The following GLIS3 variants were observed in gnomAD, a reference collection of about 807,000 sequenced individuals.
GLIS3 encodes the protein zinc finger protein GLIS3.
A neutral mutation model predicts 78.6 loss-of-function variants in GLIS3; 53 were observed. That is an observed-to-expected ratio of 0.67 (90% confidence interval 0.54 to 0.85). The LOEUF (loss-of-function observed/expected upper bound fraction) is 0.85, where lower values mean the gene tolerates loss of function less well. Ranked by LOEUF, GLIS3 falls within the 40% of genes least tolerant of loss-of-function variation. GLIS3 has a pLI of 0.00. For synonymous variants in GLIS3, 684 were observed against 509.9 expected (o/e 1.34, Z -4.60); for missense variants, 1,703 against 1,231.1 (o/e 1.38, Z -5.74).
intron 4 of GLIS3, among the ~76,000 whole-genome samples, chr9:4,055,541 T>C (rs190545939): frequency 3.9e-5 from 6 of 152,152 alleles, no homozygotes; most frequent in African/African-American, 7.2e-5. Context: ...TGTAGAGAAT[T>C]TGTGACATCA....
intron 2 of GLIS3, among the ~76,000 whole-genome samples, chr9:4,224,458 C>T (rs1318488604): frequency 6.6e-6 from 1 of 152,132 alleles, no homozygotes; most frequent in Non-Finnish European, 1.5e-5. Flanking sequence ...TATGAGGACT[C>T]CCTGGGAAAA....
intron 4 of GLIS3, among the ~76,000 whole-genome samples, chr9:4,055,554 C>T (rs1409418747): frequency 1.3e-5 from 2 of 152,180 alleles, no homozygotes; most frequent in Non-Finnish European, 2.9e-5. Context: ...TGACATCAAA[C>T]CTCCTCAGAA....
At chr9:4,161,866 G>T (rs1415405876) in intron 2 of GLIS3, among the ~76,000 whole-genome samples, 1 of 148,608 alleles carries the variant, frequency 6.7e-6, no homozygotes, top group Admixed American at 6.7e-5. Flanking sequence ...TTTTTTTTCA[G>T]TAGAGATGGG....
chr9:4,041,351 C>T (rs1171641244), intron 4 of GLIS3, among the ~76,000 whole-genome samples: 3 of 152,198 alleles, frequency 2.0e-5, no homozygotes, highest in East Asian at 1.9e-4. Flanking sequence ...TCTGCTGAAA[C>T]GAACTATCTT....
chr9:4,018,314 A>G (rs1822602490), intron 4 of GLIS3, among the ~76,000 whole-genome samples: 1 of 152,156 alleles, frequency 6.6e-6, no homozygotes, highest in African/African-American at 2.4e-5. Context: ...CCTTGGTTAC[A>G]CAGGACTGGC....
the GLIS3 span, among the ~76,000 whole-genome samples, chr9:4,357,561 C>CTG: frequency 0.25 from 37,538 of 147,570 alleles, 5,029 homozygotes; most frequent in East Asian, 0.35. Context: ...GAACTAATTC[C>CTG]TGTGTGTGTG....
chr9:4,408,418 T>C, the GLIS3 span, among the ~76,000 whole-genome samples: 11 of 129,652 alleles, frequency 8.5e-5, 1 homozygote, highest in South Asian at 3.0e-3. Context: ...GTGGGGATGG[T>C]TAATGGATAT....
chr9:4,431,728 A>C, the GLIS3 span, among the ~76,000 whole-genome samples: 1 of 151,956 alleles, frequency 6.6e-6, no homozygotes, highest in African/African-American at 2.4e-5. Context: ...CCTGTAATCC[A>C]AGCTACTCAG....
At chr9:3,974,700 G>A (rs910573375) in intron 4 of GLIS3, among the ~76,000 whole-genome samples, 1 of 152,070 alleles carries the variant, frequency 6.6e-6, no homozygotes, top group African/African-American at 2.4e-5. Context: ...CCTAGGAAGT[G>A]TTAAAGACTA....
intron 2 of GLIS3, among the ~76,000 whole-genome samples, chr9:4,244,265 T>C (rs1467251672): frequency 6.6e-6 from 1 of 152,248 alleles, no homozygotes; most frequent in African/African-American, 2.4e-5. Flanking sequence ...CATGGCACAG[T>C]AAATACACTT....
intron 2 of GLIS3, among the ~76,000 whole-genome samples, chr9:4,329,677 C>T (rs937831587): frequency 6.6e-6 from 1 of 152,130 alleles, no homozygotes. Context: ...TAAAATTCAT[C>T]TAGTCTGCCC....
At chr9:4,446,262 T>C in the GLIS3 span, among the ~76,000 whole-genome samples, 8 of 152,178 alleles carry the variant, frequency 5.3e-5, no homozygotes, top group East Asian at 1.5e-3. Context: ...TTATTTCCCT[T>C]ATCAAAGAGG....
intron 2 of GLIS3, among the ~76,000 whole-genome samples, chr9:4,264,405 G>A (rs781560029): frequency 6.6e-6 from 1 of 152,100 alleles, no homozygotes; most frequent in Non-Finnish European, 1.5e-5. Context: ...TTCCCATCCG[G>A]ACTATTCTCA....
chr9:4,265,537 T>C (rs930496059), intron 2 of GLIS3, among the ~76,000 whole-genome samples: 9 of 152,164 alleles, frequency 5.9e-5, no homozygotes, highest in Admixed American at 5.2e-4. Flanking sequence ...TTCCAGAAAG[T>C]GGGATGATCA....
intron 2 of GLIS3, among the ~76,000 whole-genome samples, chr9:4,266,697 AC>A (rs1345944925): frequency 2.6e-5 from 4 of 152,198 alleles, no homozygotes; most frequent in Admixed American, 2.0e-4. Flanking sequence ...TGATAATGAT[AC>A]ATAGTTATTT....
intron 9 of GLIS3, among the ~76,000 whole-genome samples, chr9:3,848,757 A>T (rs1378935338): frequency 1.3e-5 from 2 of 152,244 alleles, no homozygotes; most frequent in Non-Finnish European, 1.5e-5. Flanking sequence ...TGGTGGGACA[A>T]GCCATTTACA....
chr9:4,281,868 T>G (rs568393056), intron 2 of GLIS3, among the ~76,000 whole-genome samples: 64 of 152,296 alleles, frequency 4.2e-4, no homozygotes, highest in African/African-American at 1.5e-3. Flanking sequence ...GGATATCACA[T>G]ATCCCTGTTT....
At chr9:4,031,094 T>G (rs1823798766) in intron 4 of GLIS3, among the ~76,000 whole-genome samples, 1 of 152,180 alleles carries the variant, frequency 6.6e-6, no homozygotes, top group Non-Finnish European at 1.5e-5. Flanking sequence ...TTGGCAGTTC[T>G]TCAAAAAGTT....
chr9:4,360,683 G>C, the GLIS3 span, among the ~76,000 whole-genome samples: 3 of 152,182 alleles, frequency 2.0e-5, no homozygotes, highest in Admixed American at 1.3e-4. Flanking sequence ...GTTAACGTTT[G>C]AACCAATCCT....
Sources: gnomAD v4.1 joint callset for allele counts (sites outside exome capture counted in the v4.1 genomes callset) on GRCh38, gnomAD v4.1.1 for gene constraint, MANE v1.5 for transcripts, NCBI Gene and HGNC (gene_info 2026-07-23, HGNC 2026-07-21) for gene names.